CCN5: variants seen among roughly 807,000 people sequenced by gnomAD.
CCN5 encodes the protein cellular communication network factor 5.
Under a neutral mutation model 18.7 loss-of-function variants are expected in CCN5, and 17 were observed. The observed-to-expected ratio is 0.91, with a 90% CI of 0.62 to 1.36. The LOEUF (loss-of-function observed/expected upper bound fraction) is 1.36, where lower values mean the gene tolerates loss of function less well. Among genes scored for constraint, CCN5 ranks in the 40% most tolerant of loss-of-function variants. The pLI is 0.00. For synonymous variants in CCN5, 135 were observed against 145.2 expected, an observed-to-expected ratio of 0.93 and a Z score of 0.50; for missense variants, 367 against 342.9, an observed-to-expected ratio of 1.07 and a Z score of -0.56.
chr20:44,718,663 C>A (rs1248221955), intron 1 of CCN5, among the ~76,000 whole-genome samples: 1 of 152,148 alleles, frequency 6.6e-6, no homozygotes, highest in Non-Finnish European at 1.5e-5. Flanking sequence ...ACACAGTCTA[C>A]CCCCATCCCG....
chr20:44,719,584 G>A (rs978078681), intron 1 of CCN5, among the ~76,000 whole-genome samples: 2 of 152,212 alleles, frequency 1.3e-5, no homozygotes, highest in Non-Finnish European at 2.9e-5. Flanking sequence ...AACCCAGGAG[G>A]TGGAGGTTGA....
intron 2 of CCN5, among the ~76,000 whole-genome samples, chr20:44,722,389 T>G (rs984780728): frequency 6.6e-6 from 1 of 152,084 alleles, no homozygotes; most frequent in Non-Finnish European, 1.5e-5. Flanking sequence ...CCCAGTCTGT[T>G]GAGAGCACCT....
At chr20:44,718,302 G>T (rs2065874316) in intron 1 of CCN5, among the ~76,000 whole-genome samples, 3 of 152,168 alleles carry the variant, frequency 2.0e-5, no homozygotes, top group Non-Finnish European at 2.9e-5. Context: ...GCACTGGGCG[G>T]GGCAGAGGGT....
intron 1 of CCN5, among the ~76,000 whole-genome samples, chr20:44,717,550 C>T (rs769586892): frequency 7.2e-5 from 11 of 152,144 alleles, no homozygotes; most frequent in Non-Finnish European, 1.6e-4. Flanking sequence ...AAGCCTAGAC[C>T]GTTTCTATGT....
chr20:44,715,307 G>T (rs931648145), upstream of CCN5: 146 of 1,361,290 alleles, frequency 1.1e-4, no homozygotes, highest in Middle Eastern at 4.2e-4. Flanking sequence ...GTGCCTGTGT[G>T]TGCCTGGGAG....
In CCN5 at chr20:44,718,987, G is replaced by A. The variant is rs185821774; in HGVS notation, c.61-910G>A. Among the ~76,000 whole-genome samples the A allele has an allele frequency of 3.9e-4, 60 of 152,338 alleles. 1 individual carries two copies. The highest frequency in any genetic ancestry group is 3.6e-3 in the Admixed American group (55 of 15,306). On this transcript the variant is annotated intron_variant, in intron 1 of 3. Transcript: ENST00000190983. ...TGATGTGATGTACCTCCAGAGCTGGGACACATGCTGAATGGATCGAAAGGC... is the reference window on the plus strand; with the variant it reads ...TGATGTGATGTACCTCCAGAGCTGGAACACATGCTGAATGGATCGAAAGGC...
chr20:44,727,380 T>C lies in CCN5; in HGVS notation c.*73T>C. 2.0e-6 allele frequency: 3 copies of C among 1,502,872 alleles called. No individual in the cohort carries two copies. The highest frequency in any genetic ancestry group is 2.7e-6 in the Non-Finnish European group (3 of 1,121,990). The allele number at this position is 1,502,872 out of a possible 1,614,324, so 93.1% of individuals were successfully genotyped here. A position where few individuals can be genotyped will look rare whatever the true frequency, so the allele number is the denominator to read the frequency against. Reference sequence around the variant, plus strand: ...GCCCTGTGCCTGGGCCCTGGGCTGATGGAAGATGGTCCGTGCCCAGGCCCT... The same window carrying C: ...GCCCTGTGCCTGGGCCCTGGGCTGACGGAAGATGGTCCGTGCCCAGGCCCT... On this transcript the variant is annotated 3_prime_UTR_variant, in exon 4 of 4. Coordinates refer to ENST00000190983, the MANE Select transcript of CCN5 (RefSeq NM_003881.4).
chr20:44,721,667 G>A (rs972993182), intron 2 of CCN5, among the ~76,000 whole-genome samples: 3 of 152,116 alleles, frequency 2.0e-5, no homozygotes, highest in African/African-American at 4.8e-5. Flanking sequence ...GTAACACTTC[G>A]CTTACAAAGC....
At chr20:44,724,250 G>A (rs972780607) in intron 2 of CCN5, 20 of 152,718 alleles carry the variant, frequency 1.3e-4, no homozygotes, top group African/African-American at 4.3e-4. Flanking sequence ...AGTGGACAAC[G>A]ACTTTGTTGC....
At chr20:44,720,486 C>T (rs564309796) in intron 2 of CCN5, 1 of 330,786 alleles carries the variant, frequency 3.0e-6, no homozygotes, top group South Asian at 3.3e-5. Flanking sequence ...AAAGTGCAAC[C>T]TTTTAGGGCA....
rs908451148 is a variant in CCN5 at position 44,720,095 on chromosome 20, C to A, written c.259C>A (p.Arg87=). The change falls in exon 2 of 4, where the codon CGG becomes AGG. Residue 87 remains arginine (R), a synonymous_variant. Coordinates refer to ENST00000190983, the MANE Select transcript of CCN5 (RefSeq NM_003881.4). ...VCQPGAGPGG[R]GALCLLAEDD... is the part of the protein sequence containing the mutation. ...CCAGCCCGGGGCAGGACCCGGTGGC[C>A]GGGGGGCCCTGTGCCTCTGTAAGCA... 6.4e-7 allele frequency: 1 copy of A among 1,552,316 alleles called. No homozygotes were observed. The highest frequency in any genetic ancestry group is 1.9e-5 in the Admixed American group (1 of 51,748).
At chr20:44,718,337 C>G (rs1271440708) in intron 1 of CCN5, among the ~76,000 whole-genome samples, 1 of 152,150 alleles carries the variant, frequency 6.6e-6, no homozygotes, top group Non-Finnish European at 1.5e-5. Flanking sequence ...GGGTCATTGC[C>G]TGCTTTGGGG....
In CCN5 at chr20:44,724,981, T is replaced by C. The variant is rs1345749302; in HGVS notation, c.521T>C (p.Leu174Pro). The C allele has an allele frequency of 6.3e-7, 1 of 1,584,880 alleles. No individual in the cohort carries two copies. Among genetic ancestry groups the C allele is most frequent in the Middle Eastern group, 2.1e-4 (1 of 4,692 alleles). The change falls in exon 3 of 4, where the codon CTT (leucine) becomes CCT (proline). Residue 174 changes from leucine (L) to proline (P), a missense_variant. Leu to Pro is a moderately conservative substitution (Grantham distance 98). Coordinates refer to ENST00000190983, the MANE Select transcript of CCN5 (RefSeq NM_003881.4). ...GQGGGLGTQP[L>P]PAQGPQFSGL... ...GGAGGGGGACTGGGGACCCAGCCCC[T>C]TCCAGCCCAAGGTGAGCGCAGCGGT... is the stretch of plus-strand genomic sequence containing the variant.
upstream of CCN5, chr20:44,715,006 TC>T (rs1210593966): frequency 1.3e-5 from 3 of 234,616 alleles, no homozygotes; most frequent in Non-Finnish European, 2.6e-5. Context: ...GCTAGGACCC[TC>T]TTGGGCTGGA....
chr20:44,716,128 A>G (rs372583284), intron 1 of CCN5, among the ~76,000 whole-genome samples: 4 of 152,350 alleles, frequency 2.6e-5, no homozygotes, highest in East Asian at 1.9e-4. Context: ...AGTGAGGCTC[A>G]GAAAGGGTAA....
chr20:44,722,590 C>T (rs1349416208), intron 2 of CCN5, among the ~76,000 whole-genome samples: 1 of 151,864 alleles, frequency 6.6e-6, no homozygotes, highest in East Asian at 1.9e-4. Context: ...CCTCAGCCTC[C>T]CAAGTAGCTG....
Position 44,727,558 on chromosome 20 carries a change from A to G in CCN5, c.*251A>G. On this transcript the variant is annotated 3_prime_UTR_variant, in exon 4 of 4. Transcript: ENST00000190983. Reference sequence around the variant, plus strand: ...GCCTAGGAGGCTGGCCAAGGTGTCCAGGGTCCTCTAGCCCACTCCCTGCCT... The same window carrying G: ...GCCTAGGAGGCTGGCCAAGGTGTCCGGGGTCCTCTAGCCCACTCCCTGCCT... 7.4e-7 allele frequency: 1 copy of G among 1,354,098 alleles called. No homozygotes were observed. The highest frequency in any genetic ancestry group is 9.5e-7 in the Non-Finnish European group (1 of 1,051,300). The allele number at this position is 1,354,098 out of a possible 1,614,324, so 83.9% of individuals were successfully genotyped here. A position where few individuals can be genotyped will look rare whatever the true frequency, so the allele number is the denominator to read the frequency against.
At chr20:44,717,741 T>C (rs1680017324) in intron 1 of CCN5, among the ~76,000 whole-genome samples, 2 of 151,992 alleles carry the variant, frequency 1.3e-5, no homozygotes, top group South Asian at 4.2e-4. Context: ...CTGGGCATGG[T>C]GGCATGCACC....
upstream of CCN5, chr20:44,714,965 G>A (rs6124658): frequency 4.9e-4 from 86 of 173,984 alleles, no homozygotes; most frequent in East Asian, 0.013. Flanking sequence ...CGGACAGGGG[G>A]TCTGGAATAG....
Sources: gnomAD v4.1 joint callset for allele counts (sites outside exome capture counted in the v4.1 genomes callset) on GRCh38, gnomAD v4.1.1 for gene constraint, MANE v1.5 for transcripts, NCBI Gene and HGNC (gene_info 2026-07-23, HGNC 2026-07-21) for gene names.